The following AUTS2 variants were observed in gnomAD, a reference collection of about 807,000 sequenced individuals.
AUTS2 encodes the protein activator of transcription and developmental regulator AUTS2, also known as autism susceptibility gene 2 protein.
AUTS2 carries 17 observed loss-of-function variants against 112.4 expected under a neutral mutation model. The ratio of observed to expected loss-of-function variants is 0.15; its 90% CI spans 0.10 to 0.23. AUTS2 has a LOEUF of 0.23. Among genes scored for constraint, AUTS2 ranks in the 10% least tolerant of loss-of-function variants. The pLI, the probability that AUTS2 is intolerant of heterozygous loss-of-function variation, is 1.00. For missense variants in AUTS2, 1,510 were observed against 1,701.6 expected (o/e 0.89, Z 1.98); for synonymous variants, 751 against 702.7 (o/e 1.07, Z -1.09).
At chr7:70,299,470 C>T (rs749990337) in intron 4 of AUTS2, among the ~76,000 whole-genome samples, 6 of 152,188 alleles carry the variant, frequency 3.9e-5, no homozygotes, top group Non-Finnish European at 8.8e-5. Context: ...CCCACACTTA[C>T]GGTTTCTCCT....
chr7:70,642,523 A>AT (rs1805892575), intron 5 of AUTS2, among the ~76,000 whole-genome samples: 1 of 139,382 alleles, frequency 7.2e-6, no homozygotes, highest in South Asian at 2.2e-4. Flanking sequence ...TTTATTTCCA[A>AT]TTGTGTCCTC....
In AUTS2 at chr7:70,789,732, C is replaced by G; in HGVS notation, c.2532-16C>G. The G allele has an allele frequency of 6.2e-7, 1 of 1,603,374 alleles. No individual in the cohort carries two copies. The highest frequency in any genetic ancestry group is 8.5e-7 in the Non-Finnish European group (1 of 1,173,904). ...TTCATTTCATCTGCGTCCTTGTCTT[C>G]CCCTCTCTCCCCCAGGGAAAGCGTC... On this transcript the variant is annotated splice_polypyrimidine_tract_variant and intron_variant, in intron 18 of 18. Transcript: ENST00000342771.
At chr7:70,702,191 A>C (rs1353675004) in intron 6 of AUTS2, among the ~76,000 whole-genome samples, 1 of 152,250 alleles carries the variant, frequency 6.6e-6, no homozygotes, top group East Asian at 1.9e-4. Flanking sequence ...TGAGGAGGAA[A>C]GAAAAGAAGG....
chr7:70,740,110 C>T (rs113372855), intron 6 of AUTS2, among the ~76,000 whole-genome samples: 1,918 of 152,288 alleles, frequency 0.013, 18 homozygotes, highest in Non-Finnish European at 0.021. Context: ...CCTGTCATCC[C>T]CATTTTCCCA....
intron 1 of AUTS2, among the ~76,000 whole-genome samples, chr7:69,708,881 T>C (rs747609493): frequency 9.2e-5 from 14 of 152,222 alleles, no homozygotes; most frequent in Non-Finnish European, 1.5e-4. Context: ...CATTGAGTTT[T>C]TTCCATTTAT....
chr7:70,410,831 A>G (rs1407733390), intron 4 of AUTS2, among the ~76,000 whole-genome samples: 1 of 150,744 alleles, frequency 6.6e-6, no homozygotes, highest in East Asian at 2.0e-4. Context: ...CTAAGGAAAT[A>G]AATTATTATT....
Position 70,791,960 on chromosome 7 carries a change from A to G in AUTS2, c.*964A>G, listed in dbSNP as rs1463726793. On this transcript the variant is annotated 3_prime_UTR_variant, in exon 19 of 19. Coordinates refer to ENST00000342771, the MANE Select transcript of AUTS2 (RefSeq NM_015570.4). ...ACACAGGTCGCCAGTGACTTCACAC[A>G]CACCTCATGTGAGAACCATGCCTTT... The G allele has an allele frequency of 6.6e-6, 1 of 152,554 alleles. No homozygotes were observed. Among genetic ancestry groups the G allele is most frequent in the Non-Finnish European group, 1.5e-5 (1 of 68,038 alleles). The allele number at this position is 152,554 out of a possible 1,614,324, so 9.5% of individuals were successfully genotyped here.
chr7:70,636,813 AT>A (rs540662731), intron 5 of AUTS2, among the ~76,000 whole-genome samples: 1,600 of 149,190 alleles, frequency 0.011, 15 homozygotes, highest in South Asian at 0.054. Flanking sequence ...TGCCCAAGTA[AT>A]TTTTTTTTTA....
rs113219625 is a variant in AUTS2, at chr7:70,390,813, G to A, written c.661-44939G>A. 1.7e-4 allele frequency among the ~76,000 whole-genome samples: 26 copies of A among 152,234 alleles called. 1 individual carries two copies. The highest frequency in any genetic ancestry group is 3.9e-4 in the Admixed American group (6 of 15,292). On this transcript the variant is annotated intron_variant, in intron 4 of 18. Transcript: ENST00000342771. ...ATGTTCTATATGATATAGCCAGGCCGTGTTAGAGCAGTGGTCCTCAAACTT... is the reference window on the plus strand; with the variant it reads ...ATGTTCTATATGATATAGCCAGGCCATGTTAGAGCAGTGGTCCTCAAACTT...
intron 2 of AUTS2, among the ~76,000 whole-genome samples, chr7:69,963,722 G>C (rs551109152): frequency 5.4e-4 from 82 of 152,194 alleles, no homozygotes; most frequent in African/African-American, 1.5e-3. Context: ...ATTACCCTCC[G>C]TTTACAGATG....
chr7:70,133,909 C>T (rs1279387737), intron 3 of AUTS2, among the ~76,000 whole-genome samples: 1 of 152,098 alleles, frequency 6.6e-6, no homozygotes, highest in African/African-American at 2.4e-5. Flanking sequence ...GACTTAAACC[C>T]TTCAGAAAAA....
intron 2 of AUTS2, among the ~76,000 whole-genome samples, chr7:70,006,770 T>G (rs1254441259): frequency 6.6e-6 from 1 of 152,178 alleles, no homozygotes; most frequent in Non-Finnish European, 1.5e-5. Context: ...TGCTGCAGAC[T>G]TTTAATGTCT....
chr7:70,122,606 C>T (rs527915188), intron 3 of AUTS2, among the ~76,000 whole-genome samples: 10 of 151,808 alleles, frequency 6.6e-5, no homozygotes, highest in Non-Finnish European at 1.0e-4. Flanking sequence ...GAAACACTTC[C>T]GATTCATATT....
intron 4 of AUTS2, among the ~76,000 whole-genome samples, chr7:70,319,963 C>G (rs1790176860): frequency 6.6e-6 from 1 of 152,170 alleles, no homozygotes; most frequent in Non-Finnish European, 1.5e-5. Context: ...TCAAATTGTC[C>G]TAAACTTGCT....
intron 1 of AUTS2, among the ~76,000 whole-genome samples, chr7:69,802,504 C>T (rs976666033): frequency 2.0e-5 from 3 of 152,164 alleles, no homozygotes; most frequent in Admixed American, 6.5e-5. Context: ...TATCTGTTGT[C>T]CTGTAACACT....
At chr7:69,941,307 T>G (rs566022858) in intron 2 of AUTS2, among the ~76,000 whole-genome samples, 33 of 152,278 alleles carry the variant, frequency 2.2e-4, no homozygotes, top group African/African-American at 7.7e-4. Context: ...TATAAGGAAT[T>G]GCCACTTGGA....
At chr7:70,159,797 T>A (rs1807980325) in intron 4 of AUTS2, among the ~76,000 whole-genome samples, 1 of 152,208 alleles carries the variant, frequency 6.6e-6, no homozygotes, top group Non-Finnish European at 1.5e-5. Flanking sequence ...TATGTCTTCA[T>A]TAAGCATCAC....
chr7:70,211,448 G>A (rs1432097405), intron 4 of AUTS2, among the ~76,000 whole-genome samples: 5 of 151,266 alleles, frequency 3.3e-5, no homozygotes, highest in Non-Finnish European at 1.5e-5. Context: ...AGGAGATTAA[G>A]ACCATCCTGA....
intron 6 of AUTS2, among the ~76,000 whole-genome samples, chr7:70,705,125 C>A (rs1809665985): frequency 6.6e-6 from 1 of 152,216 alleles, no homozygotes; most frequent in South Asian, 2.1e-4. Flanking sequence ...ATAAGTTCCT[C>A]AGATAAGATA....
Sources: gnomAD v4.1 joint callset for allele counts (sites outside exome capture counted in the v4.1 genomes callset) on GRCh38, gnomAD v4.1.1 for gene constraint, MANE v1.5 for transcripts, NCBI Gene and HGNC (gene_info 2026-07-23, HGNC 2026-07-21) for gene names.